ABCB7: variants seen among roughly 807,000 people sequenced by gnomAD.
The protein encoded by ABCB7 is iron-sulfur clusters transporter ABCB7, mitochondrial.
In ABCB7, 7 loss-of-function variants were observed where a neutral mutation model predicts 54.4. The ratio of observed to expected loss-of-function variants is 0.13; its 90% confidence interval spans 0.07 to 0.24. The LOEUF (loss-of-function observed/expected upper bound fraction) is 0.24, where lower values mean the gene tolerates loss of function less well. Ranked by LOEUF, ABCB7 falls within the 10% of genes least tolerant of loss-of-function variation. ABCB7 has a pLI of 1.00. For synonymous variants in ABCB7, 218 were observed against 207.1 expected (o/e 1.05, Z -0.45); for missense variants, 356 against 570.4 (o/e 0.62, Z 3.83).
At chrX:75,106,947 G>A (rs2081708469) in intron 3 of ABCB7, among the ~76,000 whole-genome samples, 1 of 110,870 alleles carries the variant, frequency 9.0e-6, no homozygotes, top group Non-Finnish European at 1.9e-5. Context: ...TTTTAATGCC[G>A]TATTGCTGAG....
intron 1 of ABCB7, among the ~76,000 whole-genome samples, chrX:75,135,495 C>T (rs1006484473): frequency 9.0e-6 from 1 of 111,221 alleles, no homozygotes; most frequent in African/African-American, 3.3e-5. Context: ...CAATCTGATA[C>T]CAAAACCTGG....
Position 75,065,104 on chromosome X carries a change from G to T in ABCB7, c.1797C>A (p.Asp599Glu), listed in dbSNP as rs1159973350. The T allele has an allele frequency of 8.3e-7, 1 of 1,211,051 alleles. No individual in the cohort carries two copies. The highest frequency in any genetic ancestry group is 1.1e-6 in the Non-Finnish European group (1 of 895,222). Residue 599 changes from aspartate to glutamate, a missense_variant, in exon 13 of 16, where the codon GAC becomes GAA. By Grantham distance (45) the Asp-to-Glu change is conservative. This residue lies in a region of ABCB7 where 241 missense variants were observed against 470.9 expected (regional missense o/e 0.51). Transcript: ENST00000373394. ...TGAGTCCTCGTTCCCCTACTTGGGT[G>T]TCATATCCATGTGGCATTCGAAGAA... ...DAILRMPHGYDTQVGERGLKL... is the reference protein window; with the variant it reads ...DAILRMPHGYETQVGERGLKL...
intron 1 of ABCB7, among the ~76,000 whole-genome samples, chrX:75,129,786 G>A (rs1047936167): frequency 3.6e-5 from 4 of 109,745 alleles, no homozygotes; most frequent in South Asian, 7.9e-4. Context: ...GCTTGCTAAG[G>A]TATTTTTACA....
At chrX:75,123,239 T>C (rs12396428) in intron 1 of ABCB7, among the ~76,000 whole-genome samples, 3,197 of 111,508 alleles carry the variant, frequency 0.029, 117 homozygotes, top group African/African-American at 0.1. Context: ...GTTTCATTCT[T>C]TTGCATGTGG....
chrX:75,115,266 CAAAAAAAAAAAAAAAAAAAA>C (rs1160024642), intron 1 of ABCB7, among the ~76,000 whole-genome samples: 19 of 13,253 alleles, frequency 1.4e-3, no homozygotes, highest in African/African-American at 5.8e-3. Context: ...GACTCTGTCT[CAAAAAAAAAAAAAAAAAAAA>C]AAAAAAAAAA....
intron 4 of ABCB7, among the ~76,000 whole-genome samples, chrX:75,088,872 CAACAAA>C (rs1206251350): frequency 2.5e-4 from 26 of 102,779 alleles, no homozygotes; most frequent in African/African-American, 9.1e-4. Context: ...ACAACAACAA[CAACAAA>C]AAAAAAACTC....
chrX:75,092,398 C>T (rs954579978), intron 4 of ABCB7, among the ~76,000 whole-genome samples: 3 of 111,231 alleles, frequency 2.7e-5, no homozygotes, highest in African/African-American at 9.8e-5. Context: ...AATCCAAACA[C>T]AGACCTTACA....
chrX:75,073,593 C>T lies in ABCB7; in HGVS notation c.1032+96G>A, dbSNP rs1602344010. 4.4e-6 allele frequency: 3 copies of T among 680,770 alleles called. No individual in the cohort carries two copies. The African/African-American group carries it at 6.4e-5, about 15-fold the overall frequency. 56.1% of individuals were successfully genotyped at this position (680,770 alleles called of 1,213,427 possible). On this transcript the variant is annotated intron_variant, in intron 8 of 15. Transcript: ENST00000373394. ...ATCACGCCTAGAGATCATATCCTAA[C>T]CTGAAGCTCTAATTTACAGTACCTA...
At chrX:75,063,571 T>C (rs989480913) in intron 13 of ABCB7, among the ~76,000 whole-genome samples, 1 of 110,845 alleles carries the variant, frequency 9.0e-6, no homozygotes, top group Non-Finnish European at 1.9e-5. Context: ...ACAAGGCAGG[T>C]ACCATAAGTA....
intron 1 of ABCB7, among the ~76,000 whole-genome samples, chrX:75,131,801 C>G (rs1325899291): frequency 8.9e-6 from 1 of 111,783 alleles, no homozygotes; most frequent in Admixed American, 9.5e-5. Flanking sequence ...TGACCTGGGC[C>G]CACAGCACAA....
chrX:75,153,487 A>C (rs1016880778), intron 1 of ABCB7, among the ~76,000 whole-genome samples: 3 of 109,581 alleles, frequency 2.7e-5, no homozygotes, highest in Non-Finnish European at 5.7e-5. Context: ...GCCAGGAGTA[A>C]AGTATTTTAA....
At chrX:75,131,510 A>G in intron 1 of ABCB7, among the ~76,000 whole-genome samples, 1 of 111,355 alleles carries the variant, frequency 9.0e-6, no homozygotes, top group Non-Finnish European at 1.9e-5. Context: ...CTAACAACAG[A>G]ATAACCAACA....
chrX:75,137,779 C>G (rs1485544545), intron 1 of ABCB7, among the ~76,000 whole-genome samples: 2 of 111,743 alleles, frequency 1.8e-5, no homozygotes, highest in South Asian at 3.7e-4. Flanking sequence ...AAAGAGAAAA[C>G]CAAATATTGC....
intron 3 of ABCB7, among the ~76,000 whole-genome samples, chrX:75,111,371 T>C (rs893638815): frequency 7.1e-5 from 8 of 112,301 alleles, no homozygotes; most frequent in African/African-American, 1.6e-4. Flanking sequence ...CTAAAATTTA[T>C]TGAGCACTTA....
At chrX:75,146,452 G>A (rs780873278) in intron 1 of ABCB7, among the ~76,000 whole-genome samples, 20 of 111,778 alleles carry the variant, frequency 1.8e-4, no homozygotes, top group Non-Finnish European at 3.0e-4. Flanking sequence ...AAACCGCATG[G>A]TACTGGTACA....
chrX:75,073,225 AT>A (rs2081379356), intron 8 of ABCB7, among the ~76,000 whole-genome samples: 1 of 112,091 alleles, frequency 8.9e-6, no homozygotes, highest in African/African-American at 3.2e-5. Flanking sequence ...AAAAATACAT[AT>A]ACTAGTTAAC....
intron 3 of ABCB7, among the ~76,000 whole-genome samples, chrX:75,102,709 T>C (rs573450710): frequency 3.6e-5 from 4 of 111,557 alleles, no homozygotes; most frequent in African/African-American, 1.3e-4. Flanking sequence ...GTTCTAGTTT[T>C]AGTTTTTTGA....
chrX:75,131,362 A>T (rs1296232550), intron 1 of ABCB7, among the ~76,000 whole-genome samples: 1 of 110,788 alleles, frequency 9.0e-6, no homozygotes. Context: ...TCGGTTTGTA[A>T]AAAAATCATC....
At chrX:75,090,170 T>C (rs1259061082) in intron 4 of ABCB7, among the ~76,000 whole-genome samples, 1 of 110,406 alleles carries the variant, frequency 9.1e-6, no homozygotes, top group African/African-American at 3.3e-5. Flanking sequence ...ATGACACCTA[T>C]AGGATACTTC....
Sources: gnomAD v4.1 joint callset for allele counts (sites outside exome capture counted in the v4.1 genomes callset) on GRCh38, gnomAD v4.1.1 for gene constraint, gnomAD v4.1.1 regional missense constraint, MANE v1.5 for transcripts, NCBI Gene and HGNC (gene_info 2026-07-23, HGNC 2026-07-21) for gene names.